TMCO6: variants seen among roughly 807,000 people sequenced by gnomAD.
TMCO6 encodes the protein transmembrane and coiled-coil domain-containing protein 6.
TMCO6 carries 47 observed loss-of-function variants against 61.8 expected under a neutral mutation model. That is an observed-to-expected ratio of 0.76 (90% confidence interval 0.60 to 0.97). The LOEUF (loss-of-function observed/expected upper bound fraction) is 0.97, where lower values mean the gene tolerates loss of function less well. TMCO6 is among the 50% of genes least tolerant of loss of function. The pLI is 0.00. For synonymous variants in TMCO6, 261 were observed against 254.2 expected, an observed-to-expected ratio of 1.03 and a Z score of -0.25; for missense variants, 557 against 601.6, an observed-to-expected ratio of 0.93 and a Z score of 0.78.
At chr5:140,645,734 G>A, downstream of TMCO6, 4 of 1,612,770 alleles carry the variant, frequency 2.5e-6, no homozygotes, top group Non-Finnish European at 3.4e-6. Context: ...GGCTACCAAA[G>A]TAAAATAAAA....
At chr5:140,620,579 A>T in the TMCO6 span, among the ~76,000 whole-genome samples, 6 of 152,060 alleles carry the variant, frequency 3.9e-5, no homozygotes, top group Admixed American at 6.6e-5. Context: ...CAAATGTACT[A>T]CTCTGGTGGG....
At position 140,645,094 on chromosome 5, in the gene TMCO6, G is replaced by T. The variant is rs771399100; in HGVS notation, c.1478G>T (p.Gly493Val). 6.2e-7 allele frequency: 1 copy of T among 1,613,956 alleles called. No individual in the cohort carries two copies. Among genetic ancestry groups the T allele is most frequent in the Non-Finnish European group, 8.5e-7 (1 of 1,179,936 alleles). ...GCTCTCCAGCAGACAGCTCTTCAAG[G>T]GTGATCTTGTTTCTCAATGTCACTC... ...VYALQQTALQ[G>V] is the part of the protein sequence containing the mutation. Residue 493 changes from glycine (G) to valine (V), a missense_variant, in exon 12 of 12, where the codon GGG becomes GTG. Coordinates refer to ENST00000394671, the MANE Select transcript of TMCO6 (RefSeq NM_018502.5).
At chr5:140,622,505 A>T in the TMCO6 span, among the ~76,000 whole-genome samples, 1 of 152,172 alleles carries the variant, frequency 6.6e-6, no homozygotes, top group African/African-American at 2.4e-5. Context: ...TGTAGTGTTG[A>T]TGTTTTCAAG....
the TMCO6 span, chr5:140,633,171 C>T: frequency 8.9e-6 from 13 of 1,461,382 alleles, no homozygotes; most frequent in African/African-American, 1.4e-5. Context: ...AGGCTTCACA[C>T]TTGTGAACTC....
chr5:140,607,804 T>C, the TMCO6 span, among the ~76,000 whole-genome samples: 3 of 151,352 alleles, frequency 2.0e-5, no homozygotes, highest in Non-Finnish European at 4.4e-5. Flanking sequence ...TTTTTTTTTT[T>C]TCTGAGACAG....
In TMCO6 at chr5:140,641,987, T is replaced by C; in HGVS notation, c.432T>C (p.Ala144=). ...CTCACTCCGAGCAGTCCACTGTTGC[T>C]GAGGCCTGCCTGCCAGCCACTTCTT... ...ELSHSEQSTV[A]EACLPATSYL... is the part of the protein sequence containing the mutation. Residue 144 remains alanine, a synonymous_variant, in exon 4 of 12, where the codon GCT becomes GCC. Coordinates refer to ENST00000394671, the MANE Select transcript of TMCO6 (RefSeq NM_018502.5). 6.2e-7 allele frequency: 1 copy of C among 1,613,644 alleles called. No individual in the cohort carries two copies. Among genetic ancestry groups the C allele is most frequent in the Non-Finnish European group, 8.5e-7 (1 of 1,179,550 alleles).
At chr5:140,627,425 T>A in the TMCO6 span, among the ~76,000 whole-genome samples, 5 of 152,196 alleles carry the variant, frequency 3.3e-5, no homozygotes, top group Non-Finnish European at 7.3e-5. Flanking sequence ...GTTTATGTAG[T>A]TTAGTAAACT....
the TMCO6 span, among the ~76,000 whole-genome samples, chr5:140,629,573 T>G: frequency 1.3e-5 from 2 of 152,320 alleles, no homozygotes; most frequent in Non-Finnish European, 1.5e-5. Flanking sequence ...TATCTCATTA[T>G]ATATACGCAA....
the TMCO6 span, among the ~76,000 whole-genome samples, chr5:140,614,143 C>G: frequency 6.6e-6 from 1 of 152,156 alleles, no homozygotes; most frequent in Non-Finnish European, 1.5e-5. Flanking sequence ...TTGTGATCCG[C>G]CTGCCTTGGC....
At chr5:140,644,840 G>A in intron 11 of TMCO6, 100 bp downstream of exon 11, 1 of 1,546,484 alleles carries the variant, frequency 6.5e-7, no homozygotes, top group Non-Finnish European at 8.8e-7. Flanking sequence ...CTCTGGGCCT[G>A]GCTAACCTAT....
the TMCO6 span, among the ~76,000 whole-genome samples, chr5:140,618,047 T>C: frequency 2.0e-5 from 3 of 152,118 alleles, no homozygotes; most frequent in African/African-American, 2.4e-5. Flanking sequence ...CAAGACAGTA[T>C]GGTATTGGTG....
the TMCO6 span, among the ~76,000 whole-genome samples, chr5:140,609,908 T>C: frequency 6.6e-6 from 1 of 152,082 alleles, no homozygotes; most frequent in South Asian, 2.1e-4. Context: ...AGAGTCTCAC[T>C]GTCACCCAGG....
chr5:140,614,044 G>A, the TMCO6 span, among the ~76,000 whole-genome samples: 1 of 152,004 alleles, frequency 6.6e-6, no homozygotes, highest in Admixed American at 6.6e-5. Context: ...GACTACAGGC[G>A]CCCGTCACCA....
At chr5:140,640,522 C>A (rs555243773) in intron 2 of TMCO6, among the ~76,000 whole-genome samples, 4 of 151,874 alleles carry the variant, frequency 2.6e-5, no homozygotes, top group Non-Finnish European at 5.9e-5. Context: ...TCTCCTGCCT[C>A]AGCCTCCCGA....
At chr5:140,598,671 A>C in the TMCO6 span, among the ~76,000 whole-genome samples, 1 of 152,156 alleles carries the variant, frequency 6.6e-6, no homozygotes, top group South Asian at 2.1e-4. Context: ...GCAGTGGCTT[A>C]CGCCCGTAAT....
At chr5:140,610,165 A>G in the TMCO6 span, among the ~76,000 whole-genome samples, 1 of 144,136 alleles carries the variant, frequency 6.9e-6, no homozygotes, top group Non-Finnish European at 1.5e-5. Flanking sequence ...CCTGGGCAAC[A>G]TGGTGAAACC....
chr5:140,646,718 G>C (rs1757422755), downstream of TMCO6, among the ~76,000 whole-genome samples: 2 of 152,112 alleles, frequency 1.3e-5, no homozygotes, highest in South Asian at 4.1e-4. Context: ...AAATGTAAAG[G>C]CTCAATCCTG....
the TMCO6 span, chr5:140,633,300 T>C: frequency 1.6e-6 from 1 of 628,302 alleles, no homozygotes; most frequent in South Asian, 1.8e-5. Context: ...TTCCTGGAAA[T>C]ATTGCAATGA....
the TMCO6 span, among the ~76,000 whole-genome samples, chr5:140,623,207 T>C: frequency 6.6e-6 from 1 of 152,218 alleles, no homozygotes; most frequent in Non-Finnish European, 1.5e-5. Flanking sequence ...TAGTGAGCCT[T>C]ATCTCTCCTC....
Sources: gnomAD v4.1 joint callset for allele counts (sites outside exome capture counted in the v4.1 genomes callset) on GRCh38, gnomAD v4.1.1 for gene constraint, MANE v1.5 for transcripts, NCBI Gene and HGNC (gene_info 2026-07-23, HGNC 2026-07-21) for gene names.